Variants in TRPM5 observed in about 807,000 individuals in gnomAD.
The protein encoded by TRPM5 is transient receptor potential cation channel subfamily M member 5.
A neutral mutation model predicts 124.9 loss-of-function variants in TRPM5; 121 were observed. That is an observed-to-expected ratio of 0.97 (90% CI 0.84 to 1.13). The LOEUF is 1.13. Among genes scored for constraint, TRPM5 ranks in the 50% most tolerant of loss-of-function variants. The probability of loss-of-function intolerance (pLI) is 0.00; values close to 1 mark genes in which losing one functional copy is unlikely to be tolerated. For synonymous variants in TRPM5, 781 were observed against 700.5 expected (o/e 1.11, Z -1.81); for missense variants, 1,643 against 1,589.1 (o/e 1.03, Z -0.58).
chr11:2,437,278 C>T, the TRPM5 span, among the ~76,000 whole-genome samples: 1 of 152,342 alleles, frequency 6.6e-6, no homozygotes, highest in South Asian at 2.1e-4. This position sits in a 1 kb window ranked among gnomAD's most constrained non-coding sequence, Gnocchi z 5.6. Context: ...AGGTGGGGTA[C>T]ACCCAAGCTG....
chr11:2,419,697 A>G (rs1845738941), intron 4 of TRPM5, among the ~76,000 whole-genome samples: 1 of 151,774 alleles, frequency 6.6e-6, no homozygotes, highest in African/African-American at 2.4e-5. Context: ...AATATTGTAT[A>G]TTGTTCATAG....
exon 17 of TRPM5, chr11:2,411,669 T>A: frequency 6.2e-7 from 1 of 1,612,444 alleles, no homozygotes; most frequent in Non-Finnish European, 8.5e-7. Flanking sequence ...GGGGCCCAGC[T>A]GCTTGTGTAT....
At chr11:2,430,768 T>C in the TRPM5 span, among the ~76,000 whole-genome samples, 2 of 149,514 alleles carry the variant, frequency 1.3e-5, no homozygotes, top group South Asian at 4.2e-4. Context: ...GTTTTGGTGG[T>C]GGTGATGGTG....
exon 24 of TRPM5, chr11:2,404,835 TGC>T: frequency 1.1e-6 from 1 of 922,462 alleles, no homozygotes; most frequent in South Asian, 1.6e-5. Context: ...GGGGGGCTGG[TGC>T]CCCCTGGGGG....
upstream of TRPM5, among the ~76,000 whole-genome samples, chr11:2,424,526 T>C (rs370462754): frequency 1.2e-3 from 188 of 152,366 alleles, 7 homozygotes; most frequent in South Asian, 0.038. Flanking sequence ...GGAGCCCTGA[T>C]TCCCAGGTTC....
rs754236150 is a variant in TRPM5, at chr11:2,414,179, CTG to C, written c.1770_1771del (p.Asn590LysfsTer2). On this transcript the variant is annotated frameshift_variant, in exon 12 of 24. Transcript: ENST00000155858. LOFTEE classifies it high-confidence loss of function. ...CAGCAGGGCGAAGGCGCGGGCCTCA[CTG>C]TTGCTGTAGCACTCGGAGAAGAGGT... 4 of 1,609,948 alleles carry C rather than the reference CTG, an allele frequency of 2.5e-6. No individual in the cohort carries two copies. The highest frequency in any genetic ancestry group is 3.4e-6 in the Non-Finnish European group (4 of 1,179,130).
At chr11:2,429,439 GTGGTGATGT>G in the TRPM5 span, among the ~76,000 whole-genome samples, 20 of 151,500 alleles carry the variant, frequency 1.3e-4, no homozygotes, top group Admixed American at 1.2e-3. The surrounding 1 kb of genome is among the most constrained non-coding windows in gnomAD (Gnocchi z 8.4). Context: ...GTTAATAATT[GTGGTGATGT>G]TGGTGATGGT....
exon 24 of TRPM5, chr11:2,404,625 A>G: frequency 2.8e-6 from 1 of 350,974 alleles, no homozygotes; most frequent in Non-Finnish European, 5.2e-6. Flanking sequence ...GTCACGCCAC[A>G]GGGCCAGCTT....
At chr11:2,420,699 G>A (rs767971875) in intron 3 of TRPM5, among the ~76,000 whole-genome samples, 6 of 152,238 alleles carry the variant, frequency 3.9e-5, no homozygotes, top group African/African-American at 4.8e-5. Context: ...TAGGGCTGGC[G>A]TCCAAACATC....
exon 6 of TRPM5, chr11:2,418,253 C>T (rs1278783144): frequency 6.9e-6 from 11 of 1,585,176 alleles, no homozygotes; most frequent in Middle Eastern, 1.7e-4. Flanking sequence ...ACCTTGGGCA[C>T]CAGGAGGTGG....
At chr11:2,440,657 T>A in the TRPM5 span, among the ~76,000 whole-genome samples, 1 of 152,196 alleles carries the variant, frequency 6.6e-6, no homozygotes, top group Non-Finnish European at 1.5e-5. The surrounding 1 kb of genome is among the most constrained non-coding windows in gnomAD (Gnocchi z 5.2). Context: ...TCGTTTTTTT[T>A]GTCCCACCAC....
the TRPM5 span, among the ~76,000 whole-genome samples, chr11:2,436,416 C>G: frequency 6.6e-6 from 1 of 152,266 alleles, no homozygotes; most frequent in Non-Finnish European, 1.5e-5. Context: ...TGCCCACCCC[C>G]ATTTGCCCTC....
chr11:2,404,589 C>T (rs956400141), exon 24 of TRPM5: 13 of 270,386 alleles, frequency 4.8e-5, no homozygotes, highest in East Asian at 3.1e-4. Flanking sequence ...AGAGCAGCTT[C>T]GCAGTCTGGA....
At chr11:2,411,732 ACTG>A (rs1850456037) in exon 17 of TRPM5, 3 of 1,612,450 alleles carry the variant, frequency 1.9e-6, no homozygotes, top group Non-Finnish European at 2.5e-6. Flanking sequence ...CATGGCGAGG[ACTG>A]TGCGGCCAGC....
intron 7 of TRPM5, among the ~76,000 whole-genome samples, chr11:2,416,892 C>T (rs75730568): frequency 0.021 from 3,162 of 152,280 alleles, 108 homozygotes; most frequent in African/African-American, 0.072. Context: ...CAGGCTGGAA[C>T]CTGACTCCGC....
chr11:2,414,009 G>GGGCCGCC, intron 12 of TRPM5, 52 bp downstream of exon 17: 1 of 1,023,734 alleles, frequency 9.8e-7, no homozygotes, highest in Admixed American at 2.2e-5. Flanking sequence ...GGCCCAGCTC[G>GGGCCGCC]CCCGCCCACC....
chr11:2,414,009 G>GGGCGCCCC, intron 12 of TRPM5, 52 bp downstream of exon 17: 5 of 1,023,726 alleles, frequency 4.9e-6, no homozygotes, highest in Non-Finnish European at 5.7e-6. Context: ...GGCCCAGCTC[G>GGGCGCCCC]CCCGCCCACC....
chr11:2,420,889 C>T (rs1409408625), intron 3 of TRPM5, 143 bp downstream of exon 8: 13 of 973,242 alleles, frequency 1.3e-5, no homozygotes, highest in Non-Finnish European at 1.7e-5. Flanking sequence ...TGCCACCTGC[C>T]GGCCGTGTGC....
At chr11:2,404,940 G>C in exon 24 of TRPM5, 2 of 1,611,738 alleles carry the variant, frequency 1.2e-6, no homozygotes, top group South Asian at 1.1e-5. Context: ...AAGCAGCTCA[G>C]GTGTCCGAGG....
Sources: allele counts gnomAD v4.1 joint callset (sites outside exome capture counted in the v4.1 genomes callset), GRCh38; gene constraint gnomAD v4.1.1; non-coding constraint Gnocchi (gnomAD v3.1); transcripts MANE v1.5; gene names NCBI Gene and HGNC (gene_info 2026-07-23, HGNC 2026-07-21).